The following FSIP1 variants were observed in gnomAD, a reference collection of about 807,000 sequenced individuals.
FSIP1 encodes the protein fibrous sheath interacting protein 1, also known as fibrous sheath-interacting protein 1.
A neutral mutation model predicts 60.9 loss-of-function variants in FSIP1; 65 were observed. That is an observed-to-expected ratio of 1.07 (90% CI 0.87 to 1.31). The LOEUF (loss-of-function observed/expected upper bound fraction) is 1.31, where lower values mean the gene tolerates loss of function less well. FSIP1 is among the 40% of genes most tolerant of loss of function. The pLI is 0.00. For synonymous variants in FSIP1, 209 were observed against 221.2 expected (o/e 0.94, Z 0.49); for missense variants, 675 against 665.5 (o/e 1.01, Z -0.16).
chr15:39,642,498 T>C (rs184880266), intron 10 of FSIP1, among the ~76,000 whole-genome samples: 5 of 152,174 alleles, frequency 3.3e-5, no homozygotes, highest in Non-Finnish European at 5.9e-5. Flanking sequence ...AACTGAATTC[T>C]TTAGTGACAG....
rs544302206 is a variant in FSIP1 at position 39,735,549 on chromosome 15, C to T, written c.891+2542G>A. On this transcript the variant is annotated intron_variant, in intron 8 of 11. Coordinates refer to ENST00000350221, the MANE Select transcript of FSIP1 (RefSeq NM_152597.5). Reference sequence around the variant, plus strand: ...GGTGAGTCAGTGAGTGAGTGGTGAGCGACTGTGAACACCAAGGACATTACT... The same window carrying T: ...GGTGAGTCAGTGAGTGAGTGGTGAGTGACTGTGAACACCAAGGACATTACT... Among the ~76,000 whole-genome samples the T allele has an allele frequency of 9.9e-5, 15 of 152,184 alleles. No homozygotes were observed. In the South Asian group the frequency reaches 2.1e-3, roughly 21 times the overall value.
At chr15:39,696,534 C>T (rs1224823815) in intron 10 of FSIP1, among the ~76,000 whole-genome samples, 1 of 152,200 alleles carries the variant, frequency 6.6e-6, no homozygotes, top group Non-Finnish European at 1.5e-5. Flanking sequence ...TACACAACCT[C>T]TCTGGAGGAC....
intron 10 of FSIP1, 97 bp downstream of exon 10, chr15:39,713,347 A>T (rs1895599965): frequency 1.7e-5 from 19 of 1,117,134 alleles, no homozygotes; most frequent in Non-Finnish European, 1.0e-5. Flanking sequence ...TGGGCAGGTC[A>T]CTTGAGCCCA....
chr15:39,633,995 T>A (rs2140407872), intron 10 of FSIP1, among the ~76,000 whole-genome samples: 2 of 152,290 alleles, frequency 1.3e-5, no homozygotes, highest in South Asian at 4.1e-4. Flanking sequence ...ACCACCCATC[T>A]ACCAGCACCT....
intron 10 of FSIP1, among the ~76,000 whole-genome samples, chr15:39,656,863 T>C (rs1893091718): frequency 6.6e-6 from 1 of 152,248 alleles, no homozygotes; most frequent in Admixed American, 6.5e-5. Flanking sequence ...CAGAGGATCA[T>C]GTGTGCCTCC....
At chr15:39,684,775 T>G (rs951170243) in intron 10 of FSIP1, among the ~76,000 whole-genome samples, 4 of 152,170 alleles carry the variant, frequency 2.6e-5, no homozygotes, top group Non-Finnish European at 5.9e-5. Flanking sequence ...AGGATGGAAA[T>G]AGCTGACTTG....
At chr15:39,687,050 C>T (rs1894399338) in intron 10 of FSIP1, among the ~76,000 whole-genome samples, 1 of 151,716 alleles carries the variant, frequency 6.6e-6, no homozygotes, top group South Asian at 2.1e-4. Flanking sequence ...AATCTGTGTC[C>T]TTCCCTGCTT....
chr15:39,681,649 C>A (rs547809933), intron 10 of FSIP1, among the ~76,000 whole-genome samples: 1 of 151,968 alleles, frequency 6.6e-6, no homozygotes, highest in South Asian at 2.1e-4. Context: ...TACAGTATAA[C>A]ACAGAAGGAG....
In FSIP1 at chr15:39,606,491, A is replaced by T. The variant is rs181272332; in HGVS notation, c.1700-5565T>A. Among the ~76,000 whole-genome samples the T allele has an allele frequency of 3.5e-4, 53 of 152,300 alleles. No individual in the cohort carries two copies. In the East Asian group the frequency reaches 7.1e-3, roughly 21 times the overall value. ...ACATTCAAAACCTTCTCTTCTAGCT[A>T]TCTGAAAATATATATTATTGTTGAC... On this transcript the variant is annotated intron_variant, in intron 11 of 11. Transcript: ENST00000350221.
chr15:39,661,196 G>C (rs1893282444), intron 10 of FSIP1, among the ~76,000 whole-genome samples: 1 of 151,958 alleles, frequency 6.6e-6, no homozygotes, highest in Non-Finnish European at 1.5e-5. Context: ...AAATATTAAG[G>C]AGCTACATAT....
chr15:39,687,137 C>CTTTTTTTTTTTTTTT (rs386382788), intron 10 of FSIP1, among the ~76,000 whole-genome samples: 1 of 115,486 alleles, frequency 8.7e-6, no homozygotes, highest in Non-Finnish European at 1.7e-5. Context: ...TTTTCTTTTC[C>CTTTTTTTTTTTTTTT]TTTTTTTTTT....
rs538373638 is a variant in FSIP1, at chr15:39,709,637, C to A, written c.1188+3807G>T. 2.5e-4 allele frequency among the ~76,000 whole-genome samples: 38 copies of A among 152,178 alleles called. No individual in the cohort carries two copies. In the East Asian group the frequency reaches 6.4e-3, roughly 26 times the overall value. ...AAATGAAGTCTCTCAGACAGTGGTC[C>A]CCAACCCTTTAGGCAATAGGGGGAG... is the stretch of plus-strand genomic sequence containing the variant. On this transcript the variant is annotated intron_variant, in intron 10 of 11. Coordinates refer to ENST00000350221, the MANE Select transcript of FSIP1 (RefSeq NM_152597.5).
intron 10 of FSIP1, among the ~76,000 whole-genome samples, chr15:39,711,843 C>A (rs1033091758): frequency 2.0e-5 from 3 of 151,954 alleles, no homozygotes; most frequent in African/African-American, 7.2e-5. Flanking sequence ...CACTGCCAAG[C>A]CCGGCTAATT....
rs1229770477 is a variant in FSIP1 at position 39,645,222 on chromosome 15, A to C, written c.1189-26977T>G. Among the ~76,000 whole-genome samples the C allele has an allele frequency of 2.6e-5, 4 of 152,350 alleles. No homozygotes were observed. The East Asian group carries it at 5.8e-4, about 22-fold the overall frequency. ...TGGTACAGCCATTGTGGAAAACAGT[A>C]TGAAGGATCCTAAAGGAATTAAAAA... On this transcript the variant is annotated intron_variant, in intron 10 of 11. Coordinates refer to ENST00000350221, the MANE Select transcript of FSIP1 (RefSeq NM_152597.5).
chr15:39,746,256 C>T (rs1007184684), intron 5 of FSIP1, among the ~76,000 whole-genome samples: 5 of 151,992 alleles, frequency 3.3e-5, no homozygotes, highest in African/African-American at 1.2e-4. Context: ...CCTACTGAAA[C>T]AGCGCAGGGG....
At chr15:39,662,150 T>G (rs2411309) in intron 10 of FSIP1, among the ~76,000 whole-genome samples, 116,633 of 151,904 alleles carry the variant, frequency 0.77, 45,849 homozygotes, top group Non-Finnish European at 0.87. Flanking sequence ...TGGCTATAGT[T>G]GGAGTGGGGG....
chr15:39,697,603 G>A (rs117960485), intron 10 of FSIP1, among the ~76,000 whole-genome samples: 213 of 152,214 alleles, frequency 1.4e-3, no homozygotes, highest in Non-Finnish European at 2.4e-3. Context: ...TCCCAAATTC[G>A]TCTTCGCTCG....
intron 10 of FSIP1, among the ~76,000 whole-genome samples, chr15:39,689,975 A>G (rs1300305036): frequency 2.6e-5 from 4 of 152,204 alleles, no homozygotes; most frequent in Non-Finnish European, 5.9e-5. Context: ...TTAGGCTTTA[A>G]TGTTGGGATT....
At chr15:39,614,603 C>T (rs1023132614) in intron 11 of FSIP1, among the ~76,000 whole-genome samples, 48 of 148,500 alleles carry the variant, frequency 3.2e-4, no homozygotes, top group Non-Finnish European at 5.5e-4. Context: ...CAAGATCATG[C>T]CATTGCACTC....
Sources: allele counts gnomAD v4.1 joint callset (sites outside exome capture counted in the v4.1 genomes callset), GRCh38; gene constraint gnomAD v4.1.1; transcripts MANE v1.5; gene names NCBI Gene and HGNC (gene_info 2026-07-23, HGNC 2026-07-21).